The following PTPRD variants were observed in gnomAD, a reference collection of about 807,000 sequenced individuals.
The protein encoded by PTPRD is receptor-type tyrosine-protein phosphatase delta.
Under a neutral mutation model 214.5 loss-of-function variants are expected in PTPRD, and 34 were observed. The ratio of observed to expected loss-of-function variants is 0.16; its 90% CI spans 0.12 to 0.21. The LOEUF is 0.21. PTPRD is among the 10% of genes least tolerant of loss of function. The pLI is 1.00. For synonymous variants in PTPRD, 1,128 were observed against 845.7 expected (o/e 1.33, Z -5.79); for missense variants, 2,545 against 2,398.7 (o/e 1.06, Z -1.27).
intron 9 of PTPRD, among the ~76,000 whole-genome samples, chr9:9,225,045 C>G (rs1302472220): frequency 6.6e-6 from 1 of 151,974 alleles, no homozygotes; most frequent in Admixed American, 6.6e-5. Flanking sequence ...TATGGCAACT[C>G]AAATCCATAG....
intron 4 of PTPRD, among the ~76,000 whole-genome samples, chr9:9,959,873 G>A (rs1013523217): frequency 3.3e-5 from 5 of 152,140 alleles, no homozygotes; most frequent in African/African-American, 9.7e-5. Flanking sequence ...ACATTGGTAT[G>A]AACTCATATT....
chr9:10,135,717 G>A (rs112054335), intron 3 of PTPRD, among the ~76,000 whole-genome samples: 1 of 151,932 alleles, frequency 6.6e-6, no homozygotes, highest in Non-Finnish European at 1.5e-5. Flanking sequence ...ATTACAAGAG[G>A]TCCTTAAGGG....
intron 3 of PTPRD, among the ~76,000 whole-genome samples, chr9:10,045,848 A>G (rs2097379825): frequency 6.6e-6 from 1 of 151,726 alleles, no homozygotes; most frequent in Non-Finnish European, 1.5e-5. Flanking sequence ...TTTTTTTAAA[A>G]GGAGCTAGCT....
intron 9 of PTPRD, among the ~76,000 whole-genome samples, chr9:9,280,234 A>G (rs1395365438): frequency 1.3e-5 from 2 of 151,328 alleles, no homozygotes; most frequent in African/African-American, 4.8e-5. Context: ...GAAGGCATGT[A>G]CTAAGACGGA....
chr9:10,433,113 T>C (rs547341507), intron 2 of PTPRD, among the ~76,000 whole-genome samples: 2 of 152,018 alleles, frequency 1.3e-5, no homozygotes, highest in Admixed American at 1.3e-4. Context: ...TGTCCTTTTC[T>C]TTAGGGAAGA....
intron 2 of PTPRD, among the ~76,000 whole-genome samples, chr9:10,514,131 A>C (rs893328861): frequency 6.6e-6 from 1 of 152,194 alleles, no homozygotes; most frequent in Non-Finnish European, 1.5e-5. Context: ...AGGTCAGTTT[A>C]TAACTTGGAT....
At chr9:10,522,476 G>A (rs1358921) in intron 2 of PTPRD, among the ~76,000 whole-genome samples, 58,563 of 151,972 alleles carry the variant, frequency 0.39, 12,851 homozygotes, top group Non-Finnish European at 0.51. Flanking sequence ...CCAAAAGCTT[G>A]AACTTTCTAA....
chr9:8,982,217 C>T (rs1289740987), intron 11 of PTPRD, among the ~76,000 whole-genome samples: 2 of 152,004 alleles, frequency 1.3e-5, no homozygotes, highest in Non-Finnish European at 2.9e-5. Context: ...AATGGTATTT[C>T]ATTGAAATGC....
chr9:9,547,583 A>C (rs1257307695), intron 8 of PTPRD, among the ~76,000 whole-genome samples: 1 of 152,054 alleles, frequency 6.6e-6, no homozygotes, highest in African/African-American at 2.4e-5. Flanking sequence ...CTCATAGTAA[A>C]GGCTGAATAG....
At chr9:8,663,744 G>A (rs2097114650) in intron 12 of PTPRD, among the ~76,000 whole-genome samples, 2 of 152,028 alleles carry the variant, frequency 1.3e-5, no homozygotes, top group Admixed American at 6.6e-5. Context: ...GCCCGCCTCG[G>A]CCTCCCAAAA....
At chr9:9,504,012 A>C (rs558509319) in intron 8 of PTPRD, among the ~76,000 whole-genome samples, 52 of 151,716 alleles carry the variant, frequency 3.4e-4, no homozygotes, top group Non-Finnish European at 6.8e-4. Flanking sequence ...TATTCCTTTA[A>C]AAATCTTTGT....
intron 34 of PTPRD, among the ~76,000 whole-genome samples, chr9:8,439,935 ATTTTTTTTTTTTTTTTTTTT>A (rs1166530719): frequency 2.7e-5 from 2 of 73,314 alleles, no homozygotes; most frequent in African/African-American, 1.1e-4. Context: ...ATGTGCTTTA[ATTTTTTTTTTTTTTTTTTTT>A]TTTTTTTTTT....
At chr9:9,487,904 A>G (rs1323454069) in intron 8 of PTPRD, among the ~76,000 whole-genome samples, 1 of 152,174 alleles carries the variant, frequency 6.6e-6, no homozygotes, top group East Asian at 1.9e-4. Context: ...GAAAATGCAC[A>G]TGTACTTCAT....
chr9:8,828,938 T>C (rs895208804), intron 11 of PTPRD, among the ~76,000 whole-genome samples: 4 of 152,168 alleles, frequency 2.6e-5, no homozygotes, highest in African/African-American at 9.7e-5. Context: ...CAGTGTTCCA[T>C]AAAATGCAGT....
At chr9:9,568,139 A>G (rs2085171896) in intron 8 of PTPRD, among the ~76,000 whole-genome samples, 1 of 151,848 alleles carries the variant, frequency 6.6e-6, no homozygotes, top group South Asian at 2.1e-4. Flanking sequence ...TTAACTTCTT[A>G]TTTGTATAAT....
intron 11 of PTPRD, among the ~76,000 whole-genome samples, chr9:8,831,710 G>T (rs1400959013): frequency 1.3e-5 from 2 of 152,112 alleles, no homozygotes; most frequent in African/African-American, 4.8e-5. Flanking sequence ...GCCACAGTTA[G>T]AATGAATTTT....
At chr9:8,720,683 ATG>A (rs917888196) in intron 12 of PTPRD, among the ~76,000 whole-genome samples, 2 of 148,866 alleles carry the variant, frequency 1.3e-5, no homozygotes, top group East Asian at 1.9e-4. Context: ...TTCCAAATTG[ATG>A]TGTTTTTTTT....
At chr9:10,118,430 T>C (rs2098748730) in intron 3 of PTPRD, among the ~76,000 whole-genome samples, 1 of 151,686 alleles carries the variant, frequency 6.6e-6, no homozygotes, top group Non-Finnish European at 1.5e-5. Context: ...TAAAGAGTTG[T>C]CCTGGTGTTA....
intron 2 of PTPRD, among the ~76,000 whole-genome samples, chr9:10,513,796 T>A (rs950278697): frequency 3.3e-5 from 5 of 152,096 alleles, no homozygotes; most frequent in African/African-American, 4.8e-5. Context: ...GCAAAAGAAA[T>A]TTTTAAAACT....
Sources: gnomAD v4.1 joint callset for allele counts (sites outside exome capture counted in the v4.1 genomes callset) on GRCh38, gnomAD v4.1.1 for gene constraint, MANE v1.5 for transcripts, NCBI Gene and HGNC (gene_info 2026-07-23, HGNC 2026-07-21) for gene names.